CTTNBP2: variants seen among roughly 807,000 people sequenced by gnomAD.
CTTNBP2 encodes cortactin-binding protein 2.
In CTTNBP2, 108 loss-of-function variants were observed where a neutral mutation model predicts 156.9. The observed-to-expected ratio is 0.69, with a 90% CI of 0.59 to 0.81. CTTNBP2 has a LOEUF of 0.81. Among genes scored for constraint, CTTNBP2 ranks in the 30% least tolerant of loss-of-function variants. The pLI is 0.00. For synonymous variants in CTTNBP2, 767 were observed against 751.8 expected (o/e 1.02, Z -0.33); for missense variants, 1,924 against 2,035.4 (o/e 0.95, Z 1.05).
chr7:117,818,853 T>C (rs1328835827), intron 2 of CTTNBP2, among the ~76,000 whole-genome samples: 1 of 152,196 alleles, frequency 6.6e-6, no homozygotes, highest in Non-Finnish European at 1.5e-5. Flanking sequence ...AAATTATGGC[T>C]AATATAATAA....
chr7:117,802,627 T>C (rs7791416), intron 3 of CTTNBP2, among the ~76,000 whole-genome samples: 15,138 of 151,976 alleles, frequency 0.1, 1,115 homozygotes, highest in African/African-American at 0.2. Flanking sequence ...AAAATATTCA[T>C]AAACTATGCA....
At chr7:117,764,035 A>G (rs958957052) in intron 9 of CTTNBP2, among the ~76,000 whole-genome samples, 6 of 151,824 alleles carry the variant, frequency 4.0e-5, no homozygotes, top group Admixed American at 1.3e-4. Flanking sequence ...TAGCACCCCT[A>G]TGACTTGAAC....
At chr7:117,715,306 CTA>C (rs774061396) in intron 22 of CTTNBP2, among the ~76,000 whole-genome samples, 30 of 151,918 alleles carry the variant, frequency 2.0e-4, no homozygotes, top group Non-Finnish European at 4.1e-4. Context: ...CTCAATCCCT[CTA>C]AAGATATATT....
rs747061844 is a variant in CTTNBP2, at chr7:117,735,296, T to A, written c.3661A>T (p.Thr1221Ser). ...TTTTGGAAAGTGCAGGGGCTTTCAG[T>A]GCTGCGATTTTCAAGAGGTGCCAAA... ...DFLAPLENRS[T>S]ESPCTFQKGN... The change falls in exon 15 of 23, where the codon ACT (threonine) becomes TCT (serine). Residue 1221 changes from threonine (T) to serine (S), a missense_variant. Physicochemically the swap from Thr to Ser is moderately conservative, Grantham distance 58. Coordinates refer to ENST00000160373, the MANE Select transcript of CTTNBP2 (RefSeq NM_033427.3). 1 of 1,614,010 alleles carries A rather than the reference T, an allele frequency of 6.2e-7. No individual in the cohort carries two copies. The highest frequency in any genetic ancestry group is 1.3e-5 in the African/African-American group (1 of 74,942).
At chr7:117,801,410 G>T (rs953126102) in intron 3 of CTTNBP2, among the ~76,000 whole-genome samples, 3 of 152,244 alleles carry the variant, frequency 2.0e-5, no homozygotes, top group African/African-American at 7.2e-5. Context: ...AAATATCAGG[G>T]TAAATAAAGC....
chr7:117,814,582 T>C (rs1020541516), intron 2 of CTTNBP2, among the ~76,000 whole-genome samples: 2 of 152,100 alleles, frequency 1.3e-5, no homozygotes, highest in African/African-American at 4.8e-5. Flanking sequence ...CACGTGCCAC[T>C]ACGCCCAGCT....
chr7:117,768,683 C>T (rs1048875100), intron 8 of CTTNBP2, among the ~76,000 whole-genome samples: 1 of 151,890 alleles, frequency 6.6e-6, no homozygotes, highest in Non-Finnish European at 1.5e-5. Context: ...ACTTCGGAAG[C>T]CCCTTTTGTA....
intron 1 of CTTNBP2, among the ~76,000 whole-genome samples, chr7:117,864,465 TA>T (rs1329033370): frequency 6.6e-6 from 1 of 151,818 alleles, no homozygotes; most frequent in Non-Finnish European, 1.5e-5. Context: ...CAACAACTTT[TA>T]TTTCCAATTC....
intron 2 of CTTNBP2, among the ~76,000 whole-genome samples, chr7:117,858,287 G>A (rs529031451): frequency 3.3e-5 from 5 of 152,256 alleles, no homozygotes; most frequent in South Asian, 4.1e-4. Context: ...GAAGAATGGC[G>A]TGAACCCGGG....
intron 3 of CTTNBP2, among the ~76,000 whole-genome samples, chr7:117,795,566 T>C (rs1222802380): frequency 6.6e-6 from 1 of 152,206 alleles, no homozygotes; most frequent in Non-Finnish European, 1.5e-5. Context: ...GTCATGGCAA[T>C]CACTCAGGGT....
chr7:117,871,810 CACA>C, intron 1 of CTTNBP2: 1 of 384,518 alleles, frequency 2.6e-6, no homozygotes, highest in Non-Finnish European at 3.5e-6. Flanking sequence ...CACACACACA[CACA>C]CACACCCTCT....
intron 12 of CTTNBP2, among the ~76,000 whole-genome samples, chr7:117,755,740 A>G (rs1480161539): frequency 1.3e-5 from 2 of 152,240 alleles, no homozygotes; most frequent in Non-Finnish European, 2.9e-5. Flanking sequence ...TTTAATGATC[A>G]TATTCTTCTT....
At chr7:117,788,726 T>C (rs895279087) in intron 4 of CTTNBP2, among the ~76,000 whole-genome samples, 26 of 152,170 alleles carry the variant, frequency 1.7e-4, no homozygotes, top group Admixed American at 1.5e-3. Context: ...TACACCCCCA[T>C]TGTGTAAGTG....
chr7:117,800,126 GC>G, intron 3 of CTTNBP2, among the ~76,000 whole-genome samples: 1 of 152,018 alleles, frequency 6.6e-6, no homozygotes. Context: ...TTTTGGAGAA[GC>G]CAAATTGCCT....
intron 22 of CTTNBP2, 119 bp from the exon 23 acceptor site, chr7:117,711,901 G>GA: frequency 1.0e-6 from 1 of 995,190 alleles, no homozygotes; most frequent in Non-Finnish European, 1.4e-6. Flanking sequence ...AGGTTCTCGT[G>GA]AAAAATCAAA....
At chr7:117,745,755 G>T in intron 14 of CTTNBP2, 76 bp downstream of exon 14, 1 of 951,686 alleles carries the variant, frequency 1.1e-6, no homozygotes, top group Non-Finnish European at 1.7e-6. Context: ...AAGCAACACA[G>T]TGTATTTTCT....
chr7:117,769,844 G>A (rs1177887247), intron 8 of CTTNBP2, among the ~76,000 whole-genome samples: 1 of 152,152 alleles, frequency 6.6e-6, no homozygotes, highest in Non-Finnish European at 1.5e-5. Context: ...GTAAATGTAG[G>A]TAAGAGCCAC....
chr7:117,820,451 G>A (rs984170263), intron 2 of CTTNBP2, among the ~76,000 whole-genome samples: 3 of 152,082 alleles, frequency 2.0e-5, no homozygotes, highest in Non-Finnish European at 4.4e-5. Flanking sequence ...CTATTTAATA[G>A]CAAGAAACCT....
intron 8 of CTTNBP2, among the ~76,000 whole-genome samples, chr7:117,769,666 G>A (rs1797702924): frequency 6.6e-6 from 1 of 152,180 alleles, no homozygotes; most frequent in Non-Finnish European, 1.5e-5. Flanking sequence ...ATATCAATTT[G>A]TTATTACTAA....
Sources: gnomAD v4.1 joint callset for allele counts (sites outside exome capture counted in the v4.1 genomes callset) on GRCh38, gnomAD v4.1.1 for gene constraint, MANE v1.5 for transcripts, NCBI Gene and HGNC (gene_info 2026-07-23, HGNC 2026-07-21) for gene names.